The following EPHX2 variants were observed in gnomAD, a reference collection of about 807,000 sequenced individuals.
The protein encoded by EPHX2 is epoxide hydrolase 2.
A neutral mutation model predicts 78.7 loss-of-function variants in EPHX2; 74 were observed. The ratio of observed to expected loss-of-function variants is 0.94; its 90% confidence interval spans 0.78 to 1.14. The LOEUF is 1.14. Among genes scored for constraint, EPHX2 ranks in the 50% most tolerant of loss-of-function variants. The pLI is 0.00. For missense variants in EPHX2, 715 were observed against 702.5 expected (o/e 1.02, Z -0.20); for synonymous variants, 251 against 255.2 (o/e 0.98, Z 0.16).
At chr8:27,501,324 T>TTTCCTCTTC (rs1813761764) in intron 2 of EPHX2, among the ~76,000 whole-genome samples, 2 of 102,914 alleles carry the variant, frequency 1.9e-5, no homozygotes, top group Admixed American at 1.1e-4. Flanking sequence ...TGCTATATAT[T>TTTCCTCTTC]TTCTTCTTCT....
intron 12 of EPHX2, among the ~76,000 whole-genome samples, chr8:27,532,984 GCA>G (rs2132783685): frequency 6.6e-6 from 1 of 152,096 alleles, no homozygotes; most frequent in African/African-American, 2.4e-5. Context: ...GCATGGTGGT[GCA>G]CACATGTAAT....
intron 16 of EPHX2, 90 bp downstream of exon 16, chr8:27,541,632 G>C: frequency 7.1e-7 from 1 of 1,411,704 alleles, no homozygotes; most frequent in Non-Finnish European, 1.0e-6. Flanking sequence ...ACCTGGGCCA[G>C]AGCTGGTTGT....
Position 27,491,225 on chromosome 8 carries a change from C to A in EPHX2, c.17C>A (p.Ala6Asp). 2 of 1,583,502 alleles carry A rather than the reference C, an allele frequency of 1.3e-6. No individual in the cohort carries two copies. The highest frequency in any genetic ancestry group is 2.2e-5 in the South Asian group (2 of 88,958). The stretch of plus-strand genomic sequence containing the variant: ...CCCGCCGCCATGACGCTGCGCGCGG[C>A]CGTCTTCGACCTTGACGGGGTGCTG... The part of the protein sequence containing the change: MTLRA[A>D]VFDLDGVLAL... Residue 6 changes from alanine (A) to aspartate (D), a missense_variant, in exon 1 of 19, where the codon GCC (alanine) becomes GAC (aspartate). Coordinates refer to ENST00000521400, the MANE Select transcript of EPHX2 (RefSeq NM_001979.6).
rs72475861 is a variant in EPHX2 at position 27,518,787 on chromosome 8, T to C, written c.945+715T>C. Among the ~76,000 whole-genome samples the C allele has an allele frequency of 4.0e-4, 61 of 152,314 alleles. No homozygotes were observed. In the East Asian group the frequency reaches 0.012, roughly 29 times the overall value. On this transcript the variant is annotated intron_variant, in intron 9 of 18. Coordinates refer to ENST00000521400, the MANE Select transcript of EPHX2 (RefSeq NM_001979.6). ...GGCTTTGGCATCTCAGAAGCAATCATGGGTAAAAGTTCCATTTCCAGGCAG... is the reference window on the plus strand; with the variant it reads ...GGCTTTGGCATCTCAGAAGCAATCACGGGTAAAAGTTCCATTTCCAGGCAG...
At chr8:27,510,378 A>C (rs866429682) in intron 5 of EPHX2, among the ~76,000 whole-genome samples, 1 of 152,314 alleles carries the variant, frequency 6.6e-6, no homozygotes, top group African/African-American at 2.4e-5. Flanking sequence ...GATTCCAGTA[A>C]GGTACAAAAG....
intron 1 of EPHX2, among the ~76,000 whole-genome samples, chr8:27,497,166 C>G (rs1435744618): frequency 1.3e-5 from 2 of 152,176 alleles, no homozygotes; most frequent in African/African-American, 4.8e-5. Context: ...AATGGTTAAA[C>G]TTACCTGGGG....
At chr8:27,491,622 G>C (rs894432367) in intron 1 of EPHX2, among the ~76,000 whole-genome samples, 1 of 152,282 alleles carries the variant, frequency 6.6e-6, no homozygotes, top group South Asian at 2.1e-4. Context: ...TTAAAGATGC[G>C]AGCCGAGATT....
At chr8:27,503,857 A>T in intron 3 of EPHX2, 94 bp downstream of exon 3, 1 of 1,425,820 alleles carries the variant, frequency 7.0e-7, no homozygotes, top group Non-Finnish European at 9.4e-7. Context: ...TTGAGATCAC[A>T]GATCTTCTGA....
At chr8:27,536,750 G>A in intron 12 of EPHX2, 34 bp from the exon 13 acceptor site, 3 of 1,612,658 alleles carry the variant, frequency 1.9e-6, no homozygotes, top group South Asian at 1.1e-5. Context: ...CGATTTCTAG[G>A]GGGTCCTTCA....
intron 6 of EPHX2, 118 bp from the exon 7 acceptor site, chr8:27,515,600 G>C (rs1814416782): frequency 1.3e-6 from 1 of 787,250 alleles, no homozygotes. Context: ...TGAGAAATCT[G>C]GGTCATGCAC....
chr8:27,514,647 T>C (rs1377538937), intron 6 of EPHX2, among the ~76,000 whole-genome samples: 2 of 152,232 alleles, frequency 1.3e-5, no homozygotes, highest in Non-Finnish European at 2.9e-5. Flanking sequence ...CCAGACTCCT[T>C]CTCTCTGCTG....
intron 13 of EPHX2, 65 bp from the exon 14 acceptor site, chr8:27,538,594 G>T (rs4149252): frequency 0.18 from 256,459 of 1,462,900 alleles, 25,766 homozygotes; most frequent in African/African-American, 0.42. Flanking sequence ...AGGGTTTTCA[G>T]ATGAGCATAT....
chr8:27,491,349 C>G (rs1813371510), intron 1 of EPHX2, 40 bp downstream of exon 1: 1 of 1,388,768 alleles, frequency 7.2e-7, no homozygotes, highest in Non-Finnish European at 9.4e-7. Flanking sequence ...GGGTCGGGGC[C>G]TCAGGAGGCA....
At chr8:27,540,524 G>A (rs776439793) in intron 14 of EPHX2, 30 bp from the exon 15 acceptor site, 23 of 1,601,720 alleles carry the variant, frequency 1.4e-5, no homozygotes, top group African/African-American at 2.7e-5. Flanking sequence ...GCCCGGGGAT[G>A]GGAAAGTCAA....
intron 1 of EPHX2, among the ~76,000 whole-genome samples, chr8:27,492,387 T>G (rs957407244): frequency 2.0e-5 from 3 of 152,176 alleles, no homozygotes; most frequent in Admixed American, 6.5e-5. Flanking sequence ...TGCATGCATG[T>G]AGCCCCAGCT....
At chr8:27,494,112 G>A (rs1025689945) in intron 1 of EPHX2, among the ~76,000 whole-genome samples, 19 of 152,162 alleles carry the variant, frequency 1.2e-4, no homozygotes, top group Non-Finnish European at 1.3e-4. Context: ...CTGAGAAGCA[G>A]ACAAGCCATC....
chr8:27,521,179 G>A (rs1458199220), intron 10 of EPHX2, among the ~76,000 whole-genome samples: 4 of 152,204 alleles, frequency 2.6e-5, no homozygotes, highest in Non-Finnish European at 5.9e-5. Context: ...ACAGCCTTGA[G>A]TATCCATTAG....
At chr8:27,543,409 C>T (rs1815475005) in intron 16 of EPHX2, among the ~76,000 whole-genome samples, 1 of 152,116 alleles carries the variant, frequency 6.6e-6, no homozygotes, top group South Asian at 2.1e-4. Context: ...CTTGGTCGCC[C>T]CTTTTAAGCA....
intron 12 of EPHX2, among the ~76,000 whole-genome samples, chr8:27,533,827 G>C (rs984766462): frequency 1.3e-5 from 2 of 152,116 alleles, no homozygotes; most frequent in Admixed American, 6.5e-5. Flanking sequence ...TGGCCTCAAA[G>C]TCCTCCTGCC....
Sources: gnomAD v4.1 joint callset for allele counts (sites outside exome capture counted in the v4.1 genomes callset) on GRCh38, gnomAD v4.1.1 for gene constraint, MANE v1.5 for transcripts, NCBI Gene and HGNC (gene_info 2026-07-23, HGNC 2026-07-21) for gene names.